Variants in EXOC4 observed in about 807,000 individuals in gnomAD.
The protein encoded by EXOC4 is exocyst complex component 4.
Under a neutral mutation model 107.2 loss-of-function variants are expected in EXOC4, and 71 were observed. The observed-to-expected ratio is 0.66, with a 90% CI of 0.55 to 0.81. The LOEUF (loss-of-function observed/expected upper bound fraction) is 0.81, where lower values mean the gene tolerates loss of function less well. Among genes scored for constraint, EXOC4 ranks in the 30% least tolerant of loss-of-function variants. EXOC4 has a pLI of 0.00. For synonymous variants in EXOC4, 456 were observed against 441.2 expected (o/e 1.03, Z -0.42); for missense variants, 1,108 against 1,189.6 (o/e 0.93, Z 1.01).
chr7:133,980,585 T>C (rs1793957698), intron 14 of EXOC4, among the ~76,000 whole-genome samples: 1 of 152,250 alleles, frequency 6.6e-6, no homozygotes, highest in African/African-American at 2.4e-5. Context: ...AGAAGTGTTG[T>C]ATGTAAGAAT....
chr7:133,769,651 G>A (rs1796207002), intron 10 of EXOC4, among the ~76,000 whole-genome samples: 1 of 151,712 alleles, frequency 6.6e-6, no homozygotes, highest in South Asian at 2.1e-4. Context: ...GAAACTTTTG[G>A]TTATTTTCTA....
chr7:134,069,405 TCTC>T (rs1478106432), downstream of EXOC4, among the ~76,000 whole-genome samples: 5 of 144,392 alleles, frequency 3.5e-5, no homozygotes, highest in Non-Finnish European at 7.6e-5. Context: ...TCCCCCTACT[TCTC>T]CTTCCTCCTT....
rs550203437 is a variant in EXOC4, at chr7:133,739,285, G to A, written c.1515-78040G>A. On this transcript the variant is annotated intron_variant, in intron 10 of 17. Transcript: ENST00000253861. The stretch of plus-strand genomic sequence containing the variant: ...GTGTATAAAAAGAGATTTGTTTCAG[G>A]AACTTGACCTCGTTTAATTGTGGGA... Among the ~76,000 whole-genome samples the A allele has an allele frequency of 1.6e-4, 24 of 148,446 alleles. No individual in the cohort carries two copies. In the South Asian group the frequency reaches 4.8e-3, roughly 30 times the overall value.
At chr7:133,495,263 A>T (rs1799450897) in intron 9 of EXOC4, among the ~76,000 whole-genome samples, 1 of 152,268 alleles carries the variant, frequency 6.6e-6, no homozygotes, top group African/African-American at 2.4e-5. Flanking sequence ...ATAAAAAAAA[A>T]AAAATTGTGC....
chr7:133,605,167 C>A (rs546492372), intron 9 of EXOC4, among the ~76,000 whole-genome samples: 4 of 152,166 alleles, frequency 2.6e-5, no homozygotes, highest in Non-Finnish European at 5.9e-5. Context: ...GAGACTAATT[C>A]ATCAATTCTT....
At position 133,604,448 on chromosome 7, in the gene EXOC4, G is replaced by A. The variant is rs74675257; in HGVS notation, c.1418-25597G>A. ...CAATATGTAAGTATTGCATTGCATT[G>A]TGAGATGTTAGAACAGCTATGCCAT... On this transcript the variant is annotated intron_variant, in intron 9 of 17. Transcript: ENST00000253861. 2.6e-3 allele frequency among the ~76,000 whole-genome samples: 401 copies of A among 152,174 alleles called. 9 individuals carry two copies. In the East Asian group the frequency reaches 0.053, roughly 20 times the overall value.
intron 14 of EXOC4, among the ~76,000 whole-genome samples, chr7:133,982,396 C>A (rs1013510736): frequency 3.3e-5 from 5 of 152,034 alleles, no homozygotes; most frequent in African/African-American, 1.2e-4. Context: ...ACTAAAAATA[C>A]AAAAAATTAG....
Position 133,841,667 on chromosome 7 carries a change from A to G in EXOC4, c.1734+24123A>G, listed in dbSNP as rs74564380. ...ATTTATTTCCAGAAAGTTCTTTTTAAACTGTTATTTTAGGTTCAGGGGTAC... is the reference window on the plus strand; with the variant it reads ...ATTTATTTCCAGAAAGTTCTTTTTAGACTGTTATTTTAGGTTCAGGGGTAC... On this transcript the variant is annotated intron_variant, in intron 11 of 17. Transcript: ENST00000253861. Among the ~76,000 whole-genome samples the G allele has an allele frequency of 3.2e-3, 489 of 152,240 alleles. 3 individuals are homozygous for G. Among genetic ancestry groups the G allele is most frequent in the African/African-American group, 0.01 (431 of 41,534 alleles).
At position 134,024,178 on chromosome 7, in the gene EXOC4, C is replaced by T. The variant is rs945933975; in HGVS notation, c.2687+16343C>T. On this transcript the variant is annotated intron_variant, in intron 17 of 17. Transcript: ENST00000253861. ...CTCTTAAAAAGTTAGTGGCCAGATA[C>T]GGTGGCTCTTGCCTGTAATCCCAGC... Among the ~76,000 whole-genome samples, 3 of 152,196 alleles carry T rather than the reference C, an allele frequency of 2.0e-5. No individual in the cohort carries two copies. In the East Asian group the frequency reaches 5.8e-4, roughly 29 times the overall value.
At chr7:133,268,855 A>G (rs937301624) in intron 1 of EXOC4, among the ~76,000 whole-genome samples, 1 of 152,208 alleles carries the variant, frequency 6.6e-6, no homozygotes, top group Non-Finnish European at 1.5e-5. Flanking sequence ...CTGGGAATTA[A>G]TTAGTCATGG....
intron 11 of EXOC4, among the ~76,000 whole-genome samples, chr7:133,856,622 C>A (rs1244421860): frequency 6.6e-6 from 1 of 152,032 alleles, no homozygotes; most frequent in Non-Finnish European, 1.5e-5. Flanking sequence ...ACTATGGTAC[C>A]TCTTAGATAT....
intron 7 of EXOC4, chr7:133,447,161 T>G (rs1563069484): frequency 6.6e-6 from 1 of 152,206 alleles, no homozygotes; most frequent in Admixed American, 6.5e-5. Flanking sequence ...CACTTGTATT[T>G]TGGCTGTACA....
intron 10 of EXOC4, among the ~76,000 whole-genome samples, chr7:133,802,341 G>A (rs1297293848): frequency 6.6e-6 from 1 of 152,226 alleles, no homozygotes; most frequent in Non-Finnish European, 1.5e-5. Flanking sequence ...GTGCTAACAT[G>A]CACTATAGAT....
chr7:133,375,614 AC>A (rs1796472617), intron 7 of EXOC4, among the ~76,000 whole-genome samples: 6 of 152,320 alleles, frequency 3.9e-5, no homozygotes, highest in African/African-American at 4.8e-5. Flanking sequence ...AAGGTAAAAA[AC>A]ATTAAAATAT....
intron 10 of EXOC4, among the ~76,000 whole-genome samples, chr7:133,810,492 A>G (rs1171582927): frequency 1.3e-5 from 2 of 152,230 alleles, no homozygotes; most frequent in Non-Finnish European, 2.9e-5. Context: ...CAGGTATTGC[A>G]TATGTACATA....
chr7:133,854,809 C>T (rs916200136), intron 11 of EXOC4, among the ~76,000 whole-genome samples: 1 of 144,798 alleles, frequency 6.9e-6, no homozygotes, highest in African/African-American at 2.6e-5. Flanking sequence ...CCCTAGAAGC[C>T]AATAAAAAAA....
chr7:133,761,660 C>T (rs1796035280), intron 10 of EXOC4, among the ~76,000 whole-genome samples: 1 of 152,184 alleles, frequency 6.6e-6, no homozygotes, highest in African/African-American at 2.4e-5. Flanking sequence ...CTTCCCATCC[C>T]ACTGTATTGC....
At chr7:133,983,810 C>T (rs894741060) in intron 14 of EXOC4, among the ~76,000 whole-genome samples, 1 of 152,104 alleles carries the variant, frequency 6.6e-6, no homozygotes, top group African/African-American at 2.4e-5. Flanking sequence ...TACAAAAGTC[C>T]ATGGAAATCT....
At chr7:133,652,727 G>T (rs898994163) in intron 10 of EXOC4, among the ~76,000 whole-genome samples, 1 of 152,160 alleles carries the variant, frequency 6.6e-6, no homozygotes, top group Non-Finnish European at 1.5e-5. Flanking sequence ...TTCCGCCTCC[G>T]AGCAAGCAGC....
Sources: gnomAD v4.1 joint callset for allele counts (sites outside exome capture counted in the v4.1 genomes callset) on GRCh38, gnomAD v4.1.1 for gene constraint, MANE v1.5 for transcripts, NCBI Gene and HGNC (gene_info 2026-07-23, HGNC 2026-07-21) for gene names.